Variants in AKAP12 observed in about 807,000 individuals in gnomAD.
AKAP12 encodes A-kinase anchoring protein 12, also known as A-kinase anchor protein 12.
In AKAP12, 32 loss-of-function variants were observed where a neutral mutation model predicts 79.9. The ratio of observed to expected loss-of-function variants is 0.40; its 90% CI spans 0.30 to 0.54. The LOEUF (loss-of-function observed/expected upper bound fraction) is 0.54, where lower values mean the gene tolerates loss of function less well. Among genes scored for constraint, AKAP12 ranks in the 20% least tolerant of loss-of-function variants. The pLI, the probability that AKAP12 is intolerant of heterozygous loss-of-function variation, is 0.48. For synonymous variants in AKAP12, 808 were observed against 857.0 expected, an observed-to-expected ratio of 0.94 and a Z score of 1.00; for missense variants, 2,074 against 2,177.0, an observed-to-expected ratio of 0.95 and a Z score of 0.94.
intron 3 of AKAP12, among the ~76,000 whole-genome samples, chr6:151,331,797 A>G (rs1014785079): frequency 2.7e-5 from 4 of 149,948 alleles, no homozygotes; most frequent in African/African-American, 9.9e-5. Context: ...AGGCAGGAGA[A>G]TGGCATGAAC....
chr6:151,330,050 C>T (rs900792486), intron 3 of AKAP12, among the ~76,000 whole-genome samples: 4 of 152,178 alleles, frequency 2.6e-5, no homozygotes, highest in African/African-American at 9.6e-5. Context: ...GGACTGGGCA[C>T]GGTGGCTTAT....
intron 3 of AKAP12, among the ~76,000 whole-genome samples, chr6:151,341,346 G>A (rs1777940259): frequency 6.6e-6 from 1 of 152,170 alleles, no homozygotes; most frequent in Non-Finnish European, 1.5e-5. Flanking sequence ...GAGCCACCGC[G>A]CCAGGCCTCG....
At chr6:151,333,693 C>G (rs1487786530) in intron 3 of AKAP12, among the ~76,000 whole-genome samples, 2 of 149,558 alleles carry the variant, frequency 1.3e-5, no homozygotes, top group African/African-American at 5.0e-5. Context: ...CAGTCGAGAT[C>G]GCACCACTGC....
chr6:151,315,028 G>A (rs1220203857), intron 3 of AKAP12, among the ~76,000 whole-genome samples: 1 of 150,874 alleles, frequency 6.6e-6, no homozygotes, highest in Non-Finnish European at 1.5e-5. Flanking sequence ...CTCCACCCTG[G>A]GCAACAGAGT....
chr6:151,350,459 A>G lies in AKAP12; in HGVS notation c.2068A>G (p.Lys690Glu), dbSNP rs1778252394. The G allele has an allele frequency of 1.2e-6, 2 of 1,614,016 alleles. No individual in the cohort carries two copies. Among genetic ancestry groups the G allele is most frequent in the African/African-American group, 2.7e-5 (2 of 74,900 alleles). ...EALICVGSSK[K>E]RARRGSSSDE... ...TTTAATTTGTGTGGGATCATCCAAG[A>G]AAAGAGCAAGGAGAGGGTCCTCTTC... The change falls in exon 4 of 5, where the codon AAA (lysine) becomes GAA (glutamate). Residue 690 changes from lysine to glutamate, a missense_variant. Physicochemically the swap from Lys to Glu is moderately conservative, Grantham distance 56. This residue lies in a region of AKAP12 where 1,428 missense variants were observed against 1,451.0 expected (regional missense o/e 0.98). Transcript: ENST00000402676. The surrounding 1 kb of genome is among the most constrained non-coding windows in gnomAD (Gnocchi z 4.8).
At chr6:151,342,424 T>C (rs1777976428) in intron 3 of AKAP12, among the ~76,000 whole-genome samples, 1 of 152,152 alleles carries the variant, frequency 6.6e-6, no homozygotes, top group South Asian at 2.1e-4. Context: ...CTCTAGGCCC[T>C]AAAGCCATTA....
At chr6:151,288,731 T>C (rs1387017679) in intron 2 of AKAP12, among the ~76,000 whole-genome samples, 1 of 152,228 alleles carries the variant, frequency 6.6e-6, no homozygotes, top group East Asian at 1.9e-4. Context: ...CTCATGCTTT[T>C]GGAGGACAGA....
intron 2 of AKAP12, among the ~76,000 whole-genome samples, chr6:151,292,522 C>T (rs1776643674): frequency 6.6e-6 from 1 of 152,168 alleles, no homozygotes; most frequent in Non-Finnish European, 1.5e-5. Context: ...CACAGTTTGC[C>T]CTCTGGATCC....
chr6:151,253,610 T>C (rs370498372), intron 2 of AKAP12, among the ~76,000 whole-genome samples: 12 of 152,306 alleles, frequency 7.9e-5, no homozygotes, highest in African/African-American at 2.9e-4. Context: ...GAACTTACAC[T>C]TGATATGCAC....
At chr6:151,243,631 AT>A (rs1413428612) in intron 2 of AKAP12, among the ~76,000 whole-genome samples, 1 of 151,862 alleles carries the variant, frequency 6.6e-6, no homozygotes, top group African/African-American at 2.4e-5. Context: ...TGTAATCTTT[AT>A]TTTTTCCGTT....
intron 2 of AKAP12, among the ~76,000 whole-genome samples, chr6:151,295,743 C>G (rs1336487102): frequency 6.6e-6 from 1 of 152,188 alleles, no homozygotes; most frequent in Non-Finnish European, 1.5e-5. Context: ...AGCTCCTACT[C>G]GGCAGTTGGT....
intron 2 of AKAP12, among the ~76,000 whole-genome samples, chr6:151,281,587 G>T (rs1776408675): frequency 6.6e-6 from 1 of 152,166 alleles, no homozygotes; most frequent in South Asian, 2.1e-4. Flanking sequence ...TCAACCCATT[G>T]TATTTTGATG....
At chr6:151,281,324 A>G (rs1478811314) in intron 2 of AKAP12, among the ~76,000 whole-genome samples, 2 of 152,224 alleles carry the variant, frequency 1.3e-5, no homozygotes, top group East Asian at 1.9e-4. Flanking sequence ...TGATATTGGT[A>G]GTGTTACTTT....
At chr6:151,278,129 T>G (rs908334775) in intron 2 of AKAP12, among the ~76,000 whole-genome samples, 8 of 152,240 alleles carry the variant, frequency 5.3e-5, no homozygotes, top group African/African-American at 1.9e-4. Flanking sequence ...GTATTAACTT[T>G]CTTTGAGGTC....
intron 3 of AKAP12, among the ~76,000 whole-genome samples, chr6:151,345,932 T>TGGGAGAGAGAGAGAGAGA (rs1349850485): frequency 9.9e-6 from 1 of 101,376 alleles, no homozygotes; most frequent in African/African-American, 4.4e-5. Flanking sequence ...TGTGTGTGTG[T>TGGGAGAGAGAGAGAGAGA]GAGAGAGAGA....
At chr6:151,345,883 ATGTGTGTGTATATGTGTGTG>A (rs1409756582) in intron 3 of AKAP12, among the ~76,000 whole-genome samples, 2 of 110,000 alleles carry the variant, frequency 1.8e-5, no homozygotes, top group Non-Finnish European at 4.0e-5. Flanking sequence ...TATGTGAAGG[ATGTGTGTGTATATGTGTGTG>A]TGTGTGTGTG....
At chr6:151,258,313 T>C (rs1233595426) in intron 2 of AKAP12, among the ~76,000 whole-genome samples, 1 of 152,228 alleles carries the variant, frequency 6.6e-6, no homozygotes, top group Non-Finnish European at 1.5e-5. Flanking sequence ...TGTTGCTTTT[T>C]ATGGTCATGA....
chr6:151,288,639 TAATA>T (rs1417687765), intron 2 of AKAP12, among the ~76,000 whole-genome samples: 2 of 152,168 alleles, frequency 1.3e-5, no homozygotes, highest in East Asian at 1.9e-4. Flanking sequence ...AGTATTTAAT[TAATA>T]TTTTGTGGGA....
rs534376483 is a variant in AKAP12 at position 151,282,950 on chromosome 6, A to G, written c.163-22797A>G. Among the ~76,000 whole-genome samples the G allele has an allele frequency of 2.3e-3, 357 of 152,340 alleles. 1 individual carries two copies. The highest frequency in any genetic ancestry group is 3.6e-3 in the Admixed American group (55 of 15,292). On this transcript the variant is annotated intron_variant, in intron 2 of 4. Transcript: ENST00000402676. Reference sequence around the variant, plus strand: ...GGCTAAGCTCTTGCTAATTTCCCACAGTATAGCCTGCACTCATGTTATGAA... The same window carrying G: ...GGCTAAGCTCTTGCTAATTTCCCACGGTATAGCCTGCACTCATGTTATGAA...
Sources: gnomAD v4.1 joint callset for allele counts (sites outside exome capture counted in the v4.1 genomes callset) on GRCh38, gnomAD v4.1.1 for gene constraint, gnomAD v4.1.1 regional missense constraint, Gnocchi (gnomAD v3.1) non-coding constraint, MANE v1.5 for transcripts, NCBI Gene and HGNC (gene_info 2026-07-23, HGNC 2026-07-21) for gene names.